TRABD2B: variants seen among roughly 807,000 people sequenced by gnomAD.
The protein encoded by TRABD2B is TraB domain containing 2B.
Under a neutral mutation model 40.1 loss-of-function variants are expected in TRABD2B, and 14 were observed. That is an observed-to-expected ratio of 0.35 (90% CI 0.23 to 0.55). The LOEUF (loss-of-function observed/expected upper bound fraction) is 0.55. Ranked by LOEUF, TRABD2B falls within the 20% of genes least tolerant of loss-of-function variation. The probability of loss-of-function intolerance (pLI) is 0.90; values close to 1 mark genes in which losing one functional copy is unlikely to be tolerated. For missense variants in TRABD2B, 541 were observed against 648.6 expected (o/e 0.83, Z 1.80); for synonymous variants, 263 against 277.0 (o/e 0.95, Z 0.50).
At chr1:47,785,445 T>C (rs527364318) in intron 4 of TRABD2B, among the ~76,000 whole-genome samples, 1 of 152,330 alleles carries the variant, frequency 6.6e-6, no homozygotes, top group South Asian at 2.1e-4. Context: ...TGCTCCTCTT[T>C]GGAGGCTGTT....
At chr1:47,861,327 C>T (rs537743309) in intron 2 of TRABD2B, among the ~76,000 whole-genome samples, 98 of 151,942 alleles carry the variant, frequency 6.4e-4, no homozygotes, top group Non-Finnish European at 1.2e-3. Context: ...GAGTAGAGGC[C>T]GGGAATGTTG....
chr1:47,811,269 C>G (rs963469615), intron 2 of TRABD2B, among the ~76,000 whole-genome samples: 5 of 152,106 alleles, frequency 3.3e-5, no homozygotes, highest in African/African-American at 1.2e-4. Flanking sequence ...TCACCACCCC[C>G]CCATCGCCCA....
chr1:47,844,005 T>C (rs969433620), intron 2 of TRABD2B, among the ~76,000 whole-genome samples: 95 of 152,312 alleles, frequency 6.2e-4, no homozygotes, highest in African/African-American at 2.1e-3. Flanking sequence ...AAGCTGACTT[T>C]AGCCCTAACT....
chr1:47,924,275 C>G lies in TRABD2B; in HGVS notation c.666+69759G>C, dbSNP rs145150179. ...GGACTCAGAAGACCAAGGTTTACCC[C>G]CTTCAGAACCATCTGAGGAATGAAA... On this transcript the variant is annotated intron_variant, in intron 2 of 6. Transcript: ENST00000606738. 1.0e-3 allele frequency among the ~76,000 whole-genome samples: 153 copies of G among 152,258 alleles called. 2 individuals carry two copies. Among genetic ancestry groups the G allele is most frequent in the Admixed American group, 5.5e-3 (84 of 15,294 alleles).
At chr1:47,784,899 T>A (rs1439213517) in intron 4 of TRABD2B, among the ~76,000 whole-genome samples, 1 of 151,886 alleles carries the variant, frequency 6.6e-6, no homozygotes, top group East Asian at 1.9e-4. Context: ...CCTGAGGAGG[T>A]CACGGTATGG....
chr1:47,943,878 G>A (rs1645222763), intron 2 of TRABD2B, among the ~76,000 whole-genome samples: 1 of 151,964 alleles, frequency 6.6e-6, no homozygotes, highest in Non-Finnish European at 1.5e-5. Flanking sequence ...TCAACCATGA[G>A]CATTTACCAC....
chr1:47,962,885 T>A (rs931540618), intron 2 of TRABD2B, among the ~76,000 whole-genome samples: 21 of 152,182 alleles, frequency 1.4e-4, no homozygotes, highest in African/African-American at 5.1e-4. Flanking sequence ...AGCACAAGGC[T>A]GCCTCCATTC....
At chr1:47,917,786 T>C (rs879008459) in intron 2 of TRABD2B, among the ~76,000 whole-genome samples, 1 of 152,098 alleles carries the variant, frequency 6.6e-6, no homozygotes, top group Admixed American at 6.5e-5. Context: ...CTCACCTCCC[T>C]CTTGTCTTTT....
intron 2 of TRABD2B, among the ~76,000 whole-genome samples, chr1:47,807,697 A>G (rs1338426585): frequency 6.6e-6 from 1 of 152,124 alleles, no homozygotes; most frequent in Non-Finnish European, 1.5e-5. Flanking sequence ...TCCCTTTATC[A>G]TATAACATAA....
In TRABD2B at chr1:47,813,805, T is replaced by C. The variant is rs1209445550; in HGVS notation, c.667-12186A>G. ...TGGAATTCTGCATATGTGGATGAGA[T>C]TTCCGTTCTCTCTTCAGTCTTCAGT... is the stretch of plus-strand genomic sequence containing the variant. On this transcript the variant is annotated intron_variant, in intron 2 of 6. Coordinates refer to ENST00000606738, the MANE Select transcript of TRABD2B (RefSeq NM_001194986.2). The surrounding 1 kb of genome is among the most constrained non-coding windows in gnomAD (Gnocchi z 4.3). Among the ~76,000 whole-genome samples the C allele has an allele frequency of 6.6e-6, 1 of 152,178 alleles. No individual in the cohort carries two copies. The highest frequency in any genetic ancestry group is 1.5e-5 in the Non-Finnish European group (1 of 68,032).
At chr1:47,801,000 T>A (rs942250213) in intron 3 of TRABD2B, among the ~76,000 whole-genome samples, 1 of 151,786 alleles carries the variant, frequency 6.6e-6, no homozygotes, top group African/African-American at 2.4e-5. Context: ...CATGGTGGAG[T>A]CTGAGCAGGG....
chr1:47,792,767 G>A, intron 4 of TRABD2B, among the ~76,000 whole-genome samples: 1 of 152,090 alleles, frequency 6.6e-6, no homozygotes, highest in East Asian at 1.9e-4. Flanking sequence ...CTGGGTCCTG[G>A]GGCAGGCAGG....
chr1:47,922,158 T>A (rs1364137404), intron 2 of TRABD2B, among the ~76,000 whole-genome samples: 1 of 152,182 alleles, frequency 6.6e-6, no homozygotes, highest in African/African-American at 2.4e-5. Flanking sequence ...CTCATCTGGT[T>A]CCCTAGATAA....
At chr1:47,846,159 A>G (rs1305586319) in intron 2 of TRABD2B, among the ~76,000 whole-genome samples, 1 of 152,246 alleles carries the variant, frequency 6.6e-6, no homozygotes, top group Non-Finnish European at 1.5e-5. Context: ...GAACCAGCAT[A>G]TAGCTAAGAT....
intron 2 of TRABD2B, among the ~76,000 whole-genome samples, chr1:47,897,772 G>A (rs1644544096): frequency 6.6e-6 from 1 of 152,050 alleles, no homozygotes; most frequent in Non-Finnish European, 1.5e-5. Context: ...GTACCCAATG[G>A]GCCAGACACT....
At chr1:47,945,523 T>C (rs772939046) in intron 2 of TRABD2B, among the ~76,000 whole-genome samples, 13 of 152,244 alleles carry the variant, frequency 8.5e-5, no homozygotes, top group Admixed American at 2.0e-4. Flanking sequence ...ACCACCCAAA[T>C]TGAGATATAA....
intron 2 of TRABD2B, among the ~76,000 whole-genome samples, chr1:47,893,676 T>G (rs1027404878): frequency 2.6e-5 from 4 of 152,166 alleles, no homozygotes; most frequent in Admixed American, 2.6e-4. Flanking sequence ...CACAGGGAAG[T>G]TGCCAAACAT....
At chr1:47,814,429 C>G (rs1645003537) in intron 2 of TRABD2B, among the ~76,000 whole-genome samples, 1 of 152,184 alleles carries the variant, frequency 6.6e-6, no homozygotes, top group South Asian at 2.1e-4. Flanking sequence ...ACATTCTTGG[C>G]TCTGGACAAG....
chr1:47,949,024 T>C (rs1460405601), intron 2 of TRABD2B, among the ~76,000 whole-genome samples: 1 of 152,030 alleles, frequency 6.6e-6, no homozygotes, highest in South Asian at 2.1e-4. Flanking sequence ...TTCAAGGGGG[T>C]TACGTGACTA....
Sources: allele counts gnomAD v4.1 joint callset (sites outside exome capture counted in the v4.1 genomes callset), GRCh38; gene constraint gnomAD v4.1.1; non-coding constraint Gnocchi (gnomAD v3.1); transcripts MANE v1.5; gene names NCBI Gene and HGNC (gene_info 2026-07-23, HGNC 2026-07-21).